The following PTPRG variants were observed in gnomAD, a reference collection of about 807,000 sequenced individuals.
PTPRG encodes receptor-type tyrosine-protein phosphatase gamma.
A neutral mutation model predicts 165.3 loss-of-function variants in PTPRG; 102 were observed. That is an observed-to-expected ratio of 0.62 (90% CI 0.53 to 0.73). The LOEUF (loss-of-function observed/expected upper bound fraction) is 0.73, where lower values mean the gene tolerates loss of function less well. Among genes scored for constraint, PTPRG ranks in the 30% least tolerant of loss-of-function variants. The pLI, the probability that PTPRG is intolerant of heterozygous loss-of-function variation, is 0.00. For synonymous variants in PTPRG, 675 were observed against 669.5 expected (o/e 1.01, Z -0.13); for missense variants, 1,866 against 1,861.4 (o/e 1.00, Z -0.05).
At position 61,747,526 on chromosome 3, in the gene PTPRG, T is replaced by C. The variant is rs1029762451; in HGVS notation, c.86-1352T>C. ...TTGTGTTGAGAATTTATAGGATTCT[T>C]GTTTCCCTCTAAAGGGCTCATCTCT... On this transcript the variant is annotated intron_variant, in intron 1 of 29. Transcript: ENST00000474889. Among the ~76,000 whole-genome samples, 5 of 152,348 alleles carry C rather than the reference T, an allele frequency of 3.3e-5. No homozygotes were observed. The East Asian group carries it at 9.6e-4, about 29-fold the overall frequency.
At chr3:61,680,624 AAAT>A (rs1703404443) in intron 1 of PTPRG, among the ~76,000 whole-genome samples, 1 of 151,830 alleles carries the variant, frequency 6.6e-6, no homozygotes, top group Non-Finnish European at 1.5e-5. Context: ...CATACAAAAA[AAAT>A]AGGAGATCAA....
chr3:61,946,431 AAGAC>A (rs2039762965), intron 2 of PTPRG, among the ~76,000 whole-genome samples: 1 of 152,240 alleles, frequency 6.6e-6, no homozygotes, highest in Non-Finnish European at 1.5e-5. Context: ...TGACTTCATA[AAGAC>A]TTAGGTTCTA....
intron 4 of PTPRG, among the ~76,000 whole-genome samples, chr3:62,042,754 G>C (rs908856876): frequency 3.3e-5 from 5 of 152,076 alleles, no homozygotes; most frequent in African/African-American, 1.2e-4. Context: ...TCTTTCTTGT[G>C]AGACTTTGAG....
intron 2 of PTPRG, among the ~76,000 whole-genome samples, chr3:61,868,213 C>T (rs1005151271): frequency 1.3e-5 from 2 of 152,172 alleles, no homozygotes; most frequent in African/African-American, 4.8e-5. Context: ...CACAACAGCT[C>T]TATGCAGTGG....
chr3:61,623,959 T>C (rs995481420), intron 1 of PTPRG, among the ~76,000 whole-genome samples: 1 of 152,180 alleles, frequency 6.6e-6, no homozygotes, highest in Non-Finnish European at 1.5e-5. Flanking sequence ...TGAAGGCATA[T>C]CCAAAGTTCT....
At chr3:62,047,686 T>C (rs535948578) in intron 4 of PTPRG, among the ~76,000 whole-genome samples, 1 of 152,210 alleles carries the variant, frequency 6.6e-6, no homozygotes, top group African/African-American at 2.4e-5. Flanking sequence ...ATACGCATTT[T>C]CCCCTCTCAT....
chr3:62,044,502 G>C (rs1700226059), intron 4 of PTPRG, among the ~76,000 whole-genome samples: 1 of 151,784 alleles, frequency 6.6e-6, no homozygotes, highest in African/African-American at 2.4e-5. Context: ...TCATGCCACT[G>C]CACTCCAGCC....
At chr3:61,829,604 A>G (rs1263234872) in intron 2 of PTPRG, among the ~76,000 whole-genome samples, 1 of 152,240 alleles carries the variant, frequency 6.6e-6, no homozygotes, top group Non-Finnish European at 1.5e-5. Context: ...ATGCGACTAC[A>G]GTTTGGATGA....
At chr3:61,903,819 C>A (rs1016280551) in intron 2 of PTPRG, among the ~76,000 whole-genome samples, 3 of 152,176 alleles carry the variant, frequency 2.0e-5, no homozygotes, top group Non-Finnish European at 4.4e-5. Flanking sequence ...CATGACCTTA[C>A]AATCAGGTCA....
At chr3:61,787,224 G>A (rs567608170) in intron 2 of PTPRG, among the ~76,000 whole-genome samples, 29 of 152,320 alleles carry the variant, frequency 1.9e-4, no homozygotes, top group South Asian at 1.7e-3. Flanking sequence ...AGGAATTATG[G>A]TGATGAATAA....
chr3:61,652,398 C>A (rs115851650), intron 1 of PTPRG, among the ~76,000 whole-genome samples: 1 of 152,146 alleles, frequency 6.6e-6, no homozygotes, highest in Admixed American at 6.5e-5. Flanking sequence ...ATTGACAGGG[C>A]TGATCTTCAA....
At chr3:61,695,003 T>C (rs1430677249) in intron 1 of PTPRG, among the ~76,000 whole-genome samples, 1 of 151,866 alleles carries the variant, frequency 6.6e-6, no homozygotes, top group African/African-American at 2.4e-5. Context: ...ACTGTTTGGC[T>C]TTTTTTCTTT....
chr3:61,628,903 T>C (rs191368628), intron 1 of PTPRG, among the ~76,000 whole-genome samples: 2 of 152,322 alleles, frequency 1.3e-5, no homozygotes, highest in East Asian at 1.9e-4. Flanking sequence ...AGCATCTTTG[T>C]TGGTAAACAC....
chr3:61,847,095 T>C (rs142816573), intron 2 of PTPRG, among the ~76,000 whole-genome samples: 3 of 152,282 alleles, frequency 2.0e-5, no homozygotes, highest in African/African-American at 7.2e-5. Context: ...TCCTAACCCC[T>C]AGTACTTCAG....
chr3:61,982,236 T>G (rs529014791), intron 2 of PTPRG, among the ~76,000 whole-genome samples: 86 of 152,316 alleles, frequency 5.6e-4, no homozygotes, highest in African/African-American at 2.0e-3. Context: ...TGGCATTGGC[T>G]AGTAAGAATT....
chr3:61,986,525 ACTATTACATTCC>A (rs1201569676), intron 2 of PTPRG, among the ~76,000 whole-genome samples: 1 of 152,192 alleles, frequency 6.6e-6, no homozygotes, highest in Non-Finnish European at 1.5e-5. Flanking sequence ...AATGAGAAAC[ACTATTACATTCC>A]CTTAGTACTT....
chr3:62,189,026 A>T (rs1024596399), intron 8 of PTPRG, among the ~76,000 whole-genome samples: 4 of 151,970 alleles, frequency 2.6e-5, no homozygotes, highest in African/African-American at 9.7e-5. Context: ...GGTTGGCGCC[A>T]CCTAGTGCCC....
chr3:62,070,156 A>G (rs1256173689), intron 4 of PTPRG, among the ~76,000 whole-genome samples: 1 of 152,194 alleles, frequency 6.6e-6, no homozygotes, highest in East Asian at 1.9e-4. Context: ...AAGTATTAAA[A>G]TTTTAGGCCA....
intron 1 of PTPRG, among the ~76,000 whole-genome samples, chr3:61,652,036 G>A (rs535231998): frequency 1.9e-4 from 29 of 151,790 alleles, no homozygotes; most frequent in Middle Eastern, 6.9e-3. Context: ...TAGGCCAGGC[G>A]CAGTAGCTTA....
Sources: gnomAD v4.1 joint callset for allele counts (sites outside exome capture counted in the v4.1 genomes callset) on GRCh38, gnomAD v4.1.1 for gene constraint, MANE v1.5 for transcripts, NCBI Gene and HGNC (gene_info 2026-07-23, HGNC 2026-07-21) for gene names.